PTPRD: variants seen among roughly 807,000 people sequenced by gnomAD.
PTPRD encodes receptor-type tyrosine-protein phosphatase delta.
PTPRD carries 34 observed loss-of-function variants against 214.5 expected under a neutral mutation model. That is an observed-to-expected ratio of 0.16 (90% CI 0.12 to 0.21). PTPRD has a LOEUF of 0.21. Among genes scored for constraint, PTPRD ranks in the 10% least tolerant of loss-of-function variants. The pLI is 1.00. For synonymous variants in PTPRD, 1,128 were observed against 845.7 expected (o/e 1.33, Z -5.79); for missense variants, 2,545 against 2,398.7 (o/e 1.06, Z -1.27).
At chr9:9,133,098 G>T (rs763010103) in intron 10 of PTPRD, among the ~76,000 whole-genome samples, 6 of 151,982 alleles carry the variant, frequency 3.9e-5, no homozygotes, top group Non-Finnish European at 8.8e-5. Flanking sequence ...TATTTTTACA[G>T]ATGTAAAGGA....
intron 35 of PTPRD, among the ~76,000 whole-genome samples, chr9:8,427,658 T>C (rs1329066645): frequency 6.6e-6 from 1 of 152,014 alleles, no homozygotes; most frequent in Non-Finnish European, 1.5e-5. Context: ...CAGTCTTTTA[T>C]TCTTCTTCTT....
chr9:9,552,676 G>A (rs993709328), intron 8 of PTPRD, among the ~76,000 whole-genome samples: 1 of 152,006 alleles, frequency 6.6e-6, no homozygotes, highest in Non-Finnish European at 1.5e-5. Context: ...TAGTGCTCAA[G>A]AAGACTAGAT....
chr9:9,064,245 A>G (rs181482862), intron 10 of PTPRD, among the ~76,000 whole-genome samples: 127 of 152,260 alleles, frequency 8.3e-4, no homozygotes, highest in African/African-American at 3.0e-3. Context: ...GTGTGTGTCT[A>G]TTTTTAAAGA....
chr9:8,786,324 T>C (rs2095964804), intron 11 of PTPRD, among the ~76,000 whole-genome samples: 1 of 152,080 alleles, frequency 6.6e-6, no homozygotes, highest in Non-Finnish European at 1.5e-5. Context: ...ATGCCGTGGT[T>C]ATTTCTATTT....
chr9:8,483,130 C>T (rs1315245737), intron 30 of PTPRD, among the ~76,000 whole-genome samples: 1 of 152,160 alleles, frequency 6.6e-6, no homozygotes, highest in Non-Finnish European at 1.5e-5. Context: ...AGTTATTCAA[C>T]CAACTAGCTA....
rs185736369 is a variant in PTPRD, at chr9:10,314,109, G to C, written c.-545+26854C>G. On this transcript the variant is annotated intron_variant, in intron 3 of 45. Coordinates refer to ENST00000381196, the MANE Select transcript of PTPRD (RefSeq NM_002839.4). Reference sequence around the variant, plus strand: ...AAATGTGAATTTTAATCTTCAGGTAGAGAAGATATTCAGAATGTTACGAAG... The same window carrying C: ...AAATGTGAATTTTAATCTTCAGGTACAGAAGATATTCAGAATGTTACGAAG... Among the ~76,000 whole-genome samples, 1,002 of 152,006 alleles carry C rather than the reference G, an allele frequency of 6.6e-3. 4 individuals carry two copies. Among genetic ancestry groups the C allele is most frequent in the South Asian group, 0.01 (50 of 4,820 alleles).
chr9:8,513,642 A>T (rs764407495), intron 21 of PTPRD, among the ~76,000 whole-genome samples: 16 of 152,006 alleles, frequency 1.1e-4, no homozygotes, highest in Non-Finnish European at 1.9e-4. Flanking sequence ...CATATCCTTA[A>T]ATTTTATATC....
chr9:8,946,328 C>T (rs925440084), intron 11 of PTPRD, among the ~76,000 whole-genome samples: 1 of 152,080 alleles, frequency 6.6e-6, no homozygotes, highest in African/African-American at 2.4e-5. Flanking sequence ...AGACCACCCC[C>T]CCACCACCCC....
chr9:8,549,914 T>C (rs1176291868), intron 14 of PTPRD, among the ~76,000 whole-genome samples: 3 of 152,300 alleles, frequency 2.0e-5, no homozygotes, highest in East Asian at 1.9e-4. Context: ...AGCGTATCTA[T>C]ATTCAGATCT....
intron 2 of PTPRD, among the ~76,000 whole-genome samples, chr9:10,342,063 G>A (rs2096951032): frequency 6.6e-6 from 1 of 151,956 alleles, no homozygotes; most frequent in South Asian, 2.1e-4. Flanking sequence ...GCAATTAAAG[G>A]GATAGCACTT....
intron 11 of PTPRD, among the ~76,000 whole-genome samples, chr9:8,890,216 T>C (rs946303431): frequency 2.6e-5 from 4 of 152,186 alleles, no homozygotes; most frequent in African/African-American, 9.6e-5. Flanking sequence ...AGGGCTACAA[T>C]AAAAGACTTG....
chr9:9,959,171 A>C (rs917086339), intron 4 of PTPRD, among the ~76,000 whole-genome samples: 7 of 152,230 alleles, frequency 4.6e-5, no homozygotes, highest in Non-Finnish European at 7.3e-5. Context: ...CAGCAATAAA[A>C]AGAAATTGCC....
intron 12 of PTPRD, among the ~76,000 whole-genome samples, chr9:8,707,095 A>G (rs935576923): frequency 2.0e-5 from 3 of 152,222 alleles, no homozygotes; most frequent in Non-Finnish European, 4.4e-5. Context: ...CAAGCCTACA[A>G]TCAATTAGCT....
chr9:8,594,614 T>C (rs2094359188), intron 14 of PTPRD, among the ~76,000 whole-genome samples: 1 of 152,106 alleles, frequency 6.6e-6, no homozygotes, highest in Non-Finnish European at 1.5e-5. Flanking sequence ...ATTCTCATGA[T>C]AGTGAGTCCT....
chr9:10,608,600 C>T (rs1216665010), intron 2 of PTPRD, among the ~76,000 whole-genome samples: 2 of 152,074 alleles, frequency 1.3e-5, no homozygotes, highest in African/African-American at 2.4e-5. Context: ...ATATTAGTCA[C>T]ATAGCTTGAA....
At chr9:8,980,535 A>C (rs574329160) in intron 11 of PTPRD, among the ~76,000 whole-genome samples, 1 of 152,236 alleles carries the variant, frequency 6.6e-6, no homozygotes, top group African/African-American at 2.4e-5. Context: ...AGTCTATTGG[A>C]AAATAACATT....
chr9:10,493,060 C>A (rs1043690592), intron 2 of PTPRD, among the ~76,000 whole-genome samples: 3 of 152,058 alleles, frequency 2.0e-5, no homozygotes, highest in African/African-American at 7.2e-5. Context: ...GGGACCTGTT[C>A]AAGGAGAACT....
intron 11 of PTPRD, among the ~76,000 whole-genome samples, chr9:8,894,546 G>C (rs770270964): frequency 2.6e-5 from 4 of 151,990 alleles, no homozygotes; most frequent in Non-Finnish European, 5.9e-5. Flanking sequence ...CTGTAAGTGG[G>C]TATAGATGTG....
chr9:9,056,828 T>A (rs1257469189), intron 10 of PTPRD, among the ~76,000 whole-genome samples: 1 of 152,222 alleles, frequency 6.6e-6, no homozygotes, highest in Non-Finnish European at 1.5e-5. Context: ...TATATCAGAT[T>A]ATTTTTAAGT....
Sources: gnomAD v4.1 joint callset for allele counts (sites outside exome capture counted in the v4.1 genomes callset) on GRCh38, gnomAD v4.1.1 for gene constraint, MANE v1.5 for transcripts, NCBI Gene and HGNC (gene_info 2026-07-23, HGNC 2026-07-21) for gene names.